Variants in ASCC3 observed in about 807,000 individuals in gnomAD.
ASCC3 encodes the protein ASC-1 complex subunit P200.
ASCC3 carries 158 observed loss-of-function variants against 256.3 expected under a neutral mutation model. The ratio of observed to expected loss-of-function variants is 0.62; its 90% CI spans 0.54 to 0.70. ASCC3 has a LOEUF of 0.70. Among genes scored for constraint, ASCC3 ranks in the 30% least tolerant of loss-of-function variants. ASCC3 has a pLI of 0.00. For synonymous variants in ASCC3, 948 were observed against 883.4 expected, an observed-to-expected ratio of 1.07 and a Z score of -1.30; for missense variants, 2,259 against 2,626.0, an observed-to-expected ratio of 0.86 and a Z score of 3.05.
At position 100,606,733 on chromosome 6, in the gene ASCC3, A is replaced by C; in HGVS notation, c.5044+7T>G. The stretch of plus-strand genomic sequence containing the variant: ...TTCATGTATTTCTGTGAATTTAAGA[A>C]AATTACCTGTAATGGGAAAATCCAC... On this transcript the variant is annotated splice_region_variant and intron_variant, in intron 32 of 41. Coordinates refer to ENST00000369162, the MANE Select transcript of ASCC3 (RefSeq NM_006828.4). The C allele has an allele frequency of 1.3e-6, 2 of 1,590,056 alleles. No individual in the cohort carries two copies. Among genetic ancestry groups the C allele is most frequent in the Non-Finnish European group, 1.7e-6 (2 of 1,172,970 alleles).
chr6:100,671,001 C>T (rs1240956375), intron 14 of ASCC3, among the ~76,000 whole-genome samples: 1 of 151,898 alleles, frequency 6.6e-6, no homozygotes, highest in African/African-American at 2.4e-5. Context: ...TGAAACCCAT[C>T]TTTCTGAGTT....
chr6:100,723,898 T>TATA (rs1279559281), intron 11 of ASCC3, among the ~76,000 whole-genome samples: 3 of 106,258 alleles, frequency 2.8e-5, no homozygotes, highest in Admixed American at 2.0e-4. Flanking sequence ...ATATATATAT[T>TATA]TATAATTATA....
chr6:100,540,141 G>T, intron 37 of ASCC3, 22 bp downstream of exon 37: 1 of 1,579,532 alleles, frequency 6.3e-7, no homozygotes, highest in Non-Finnish European at 8.7e-7. Context: ...ACACACATAG[G>T]TATTAGAAAT....
chr6:100,812,285 G>A (rs1770508955), intron 4 of ASCC3, among the ~76,000 whole-genome samples: 2 of 152,086 alleles, frequency 1.3e-5, no homozygotes, highest in African/African-American at 4.8e-5. Flanking sequence ...TAAAGAAATG[G>A]AGAAGTATGA....
intron 24 of ASCC3, among the ~76,000 whole-genome samples, chr6:100,642,054 C>T (rs1374796069): frequency 2.6e-5 from 4 of 151,248 alleles, no homozygotes; most frequent in Non-Finnish European, 5.9e-5. Context: ...AGGTGATATA[C>T]CTAATGTTAA....
intron 10 of ASCC3, among the ~76,000 whole-genome samples, chr6:100,734,686 T>C (rs1056601578): frequency 6.6e-6 from 1 of 152,168 alleles, no homozygotes; most frequent in Non-Finnish European, 1.5e-5. Context: ...CCACCATCAC[T>C]ACTACCACTA....
At chr6:100,608,069 TACATATATATGTATATATATCTATATAC>T (rs1554200717) in intron 30 of ASCC3, among the ~76,000 whole-genome samples, 15 of 92,178 alleles carry the variant, frequency 1.6e-4, no homozygotes, top group African/African-American at 5.1e-4. Context: ...CACATATATA[TACATATATATGTATATATATCTATATAC>T]ACATATATAT....
chr6:100,837,774 C>G lies in ASCC3; in HGVS notation c.801+10374G>C, dbSNP rs114981785. Among the ~76,000 whole-genome samples, 1,135 of 151,390 alleles carry G rather than the reference C, an allele frequency of 7.5e-3. 14 individuals are homozygous for G. Among genetic ancestry groups the G allele is most frequent in the African/African-American group, 0.026 (1,064 of 41,226 alleles). On this transcript the variant is annotated intron_variant, in intron 4 of 41. Coordinates refer to ENST00000369162, the MANE Select transcript of ASCC3 (RefSeq NM_006828.4). ...ACAAGGAGAGTTTGGCCAATGGGTA[C>G]GAAGTTACAGTTAGAGAGGAGGAAT... is the stretch of plus-strand genomic sequence containing the variant.
At chr6:100,676,789 G>A (rs1255449344) in intron 14 of ASCC3, among the ~76,000 whole-genome samples, 1 of 151,794 alleles carries the variant, frequency 6.6e-6, no homozygotes, top group Non-Finnish European at 1.5e-5. Context: ...CACACAAAAG[G>A]AGGATTTTCT....
intron 39 of ASCC3, among the ~76,000 whole-genome samples, chr6:100,515,551 ATT>A (rs1773978067): frequency 6.6e-6 from 1 of 152,166 alleles, no homozygotes; most frequent in African/African-American, 2.4e-5. Context: ...GTTCATTCAT[ATT>A]TTTGGTCTTC....
intron 36 of ASCC3, among the ~76,000 whole-genome samples, chr6:100,550,798 C>T (rs889836134): frequency 6.6e-6 from 1 of 151,882 alleles, no homozygotes; most frequent in African/African-American, 2.4e-5. Flanking sequence ...TTGCATTAAT[C>T]CCCTTCTTTA....
At chr6:100,764,766 C>T (rs1781570544) in intron 10 of ASCC3, among the ~76,000 whole-genome samples, 1 of 152,114 alleles carries the variant, frequency 6.6e-6, no homozygotes, top group South Asian at 2.1e-4. Flanking sequence ...AATTATCTCC[C>T]AAAGGCCTCA....
intron 36 of ASCC3, among the ~76,000 whole-genome samples, chr6:100,540,990 G>C (rs1775429011): frequency 2.0e-5 from 3 of 152,088 alleles, no homozygotes; most frequent in South Asian, 4.1e-4. Flanking sequence ...GGAATGTTTT[G>C]ATTTTTCATC....
At chr6:100,829,961 G>A (rs915126477) in intron 4 of ASCC3, among the ~76,000 whole-genome samples, 10 of 152,004 alleles carry the variant, frequency 6.6e-5, no homozygotes, top group Non-Finnish European at 1.5e-4. Flanking sequence ...GAAGAAATCA[G>A]CTAATATGAT....
intron 13 of ASCC3, among the ~76,000 whole-genome samples, chr6:100,687,011 ATC>A (rs374661172): frequency 0.013 from 1,856 of 141,468 alleles, 47 homozygotes; most frequent in African/African-American, 0.044. Flanking sequence ...CTGTACTTAA[ATC>A]TCTCTCTCTC....
chr6:100,760,809 T>A (rs112016750), intron 10 of ASCC3, among the ~76,000 whole-genome samples: 1 of 151,622 alleles, frequency 6.6e-6, no homozygotes. Flanking sequence ...GATTGGAAAA[T>A]AAAACAAAAC....
intron 36 of ASCC3, among the ~76,000 whole-genome samples, chr6:100,560,893 A>G (rs549960870): frequency 3.3e-5 from 5 of 152,040 alleles, no homozygotes; most frequent in Non-Finnish European, 5.9e-5. Context: ...AACAAAGTAC[A>G]TATATGTTGA....
chr6:100,812,625 T>C (rs1348950677), intron 4 of ASCC3, among the ~76,000 whole-genome samples: 1 of 152,184 alleles, frequency 6.6e-6, no homozygotes, highest in African/African-American at 2.4e-5. Context: ...ATGGATATTA[T>C]GACATTTGAA....
At chr6:100,794,954 A>G (rs1362668782) in intron 8 of ASCC3, among the ~76,000 whole-genome samples, 1 of 152,040 alleles carries the variant, frequency 6.6e-6, no homozygotes, top group Non-Finnish European at 1.5e-5. Context: ...CATCTTTCTC[A>G]TCCTACTTTT....
Sources: gnomAD v4.1 joint callset for allele counts (sites outside exome capture counted in the v4.1 genomes callset) on GRCh38, gnomAD v4.1.1 for gene constraint, MANE v1.5 for transcripts, NCBI Gene and HGNC (gene_info 2026-07-23, HGNC 2026-07-21) for gene names.